Variants in MAST4 observed in about 807,000 individuals in gnomAD.
The protein encoded by MAST4 is microtubule-associated serine/threonine-protein kinase 4.
Under a neutral mutation model 162.7 loss-of-function variants are expected in MAST4, and 89 were observed. The ratio of observed to expected loss-of-function variants is 0.55; its 90% CI spans 0.46 to 0.65. The LOEUF (loss-of-function observed/expected upper bound fraction) is 0.65, where lower values mean the gene tolerates loss of function less well. Ranked by LOEUF, MAST4 falls within the 30% of genes least tolerant of loss-of-function variation. The pLI is 0.00. For synonymous variants in MAST4, 1,479 were observed against 1,361.1 expected, an observed-to-expected ratio of 1.09 and a Z score of -1.91; for missense variants, 3,153 against 3,374.0, an observed-to-expected ratio of 0.93 and a Z score of 1.62.
chr5:66,876,472 G>T (rs1034528204), intron 3 of MAST4, among the ~76,000 whole-genome samples: 1 of 152,192 alleles, frequency 6.6e-6, no homozygotes, highest in African/African-American at 2.4e-5. Context: ...GGCCCTCTGT[G>T]GTGGGAGACA....
chr5:67,146,563 AT>A (rs1581717976), intron 23 of MAST4, among the ~76,000 whole-genome samples: 1 of 152,298 alleles, frequency 6.6e-6, no homozygotes, highest in East Asian at 1.9e-4. Flanking sequence ...TTTCGTCAAC[AT>A]TTTTTAAACT....
chr5:67,095,129 A>G (rs1156896861), intron 6 of MAST4, among the ~76,000 whole-genome samples: 1 of 152,204 alleles, frequency 6.6e-6, no homozygotes, highest in Non-Finnish European at 1.5e-5. Context: ...CATGATGAGT[A>G]TAACTGTTCC....
chr5:67,043,828 A>G (rs560691663), intron 4 of MAST4, among the ~76,000 whole-genome samples: 35 of 152,300 alleles, frequency 2.3e-4, no homozygotes, highest in African/African-American at 8.2e-4. Flanking sequence ...TCTTTTCTTA[A>G]TTCCCCAGTA....
chr5:66,799,444 A>G (rs540169721), intron 3 of MAST4, among the ~76,000 whole-genome samples: 27 of 152,344 alleles, frequency 1.8e-4, no homozygotes, highest in African/African-American at 4.6e-4. Flanking sequence ...CTGAATGCCT[A>G]AAGAGCTCAG....
intron 11 of MAST4, among the ~76,000 whole-genome samples, chr5:67,112,071 G>T (rs1299873428): frequency 2.7e-5 from 4 of 150,906 alleles, no homozygotes; most frequent in Non-Finnish European, 4.4e-5. Flanking sequence ...TTTCTATATG[G>T]CCTTTAAAAA....
intron 3 of MAST4, among the ~76,000 whole-genome samples, chr5:66,804,664 A>G (rs1350272149): frequency 6.6e-6 from 1 of 152,196 alleles, no homozygotes; most frequent in African/African-American, 2.4e-5. Context: ...GTATTTGCTA[A>G]ACAATAATTT....
chr5:66,682,130 A>G (rs1748369711), intron 1 of MAST4, among the ~76,000 whole-genome samples: 2 of 152,024 alleles, frequency 1.3e-5, no homozygotes, highest in African/African-American at 4.8e-5. Flanking sequence ...GCCTGCCGCC[A>G]CTCTCTGGGA....
intron 26 of MAST4, among the ~76,000 whole-genome samples, chr5:67,159,026 C>A (rs1772877213): frequency 6.6e-6 from 1 of 152,128 alleles, no homozygotes; most frequent in African/African-American, 2.4e-5. Context: ...AAGAGTGAAA[C>A]TGTGTCTCAA....
At chr5:66,782,473 A>G (rs1174441913) in intron 2 of MAST4, among the ~76,000 whole-genome samples, 1 of 152,212 alleles carries the variant, frequency 6.6e-6, no homozygotes, top group Non-Finnish European at 1.5e-5. Context: ...AACAGCAAAA[A>G]TAACCAGTAC....
At chr5:66,907,153 CAAAGCGAGAG>C (rs2149999756) in intron 4 of MAST4, among the ~76,000 whole-genome samples, 1 of 116,922 alleles carries the variant, frequency 8.6e-6, no homozygotes, top group African/African-American at 3.4e-5. Context: ...TAACTCTCAG[CAAAGCGAGAG>C]AGAGAGAGAG....
intron 1 of MAST4, among the ~76,000 whole-genome samples, chr5:66,688,850 A>G (rs1748859830): frequency 6.6e-6 from 1 of 152,162 alleles, no homozygotes; most frequent in Non-Finnish European, 1.5e-5. Context: ...GACAGAGCCT[A>G]TGAGGACCTT....
At chr5:66,747,301 G>A (rs1752830293) in intron 1 of MAST4, among the ~76,000 whole-genome samples, 1 of 152,088 alleles carries the variant, frequency 6.6e-6, no homozygotes, top group Non-Finnish European at 1.5e-5. Context: ...TGCCACTGTA[G>A]TTTGATCTAA....
chr5:66,788,836 C>G, intron 3 of MAST4, 42 bp downstream of exon 3: 1 of 1,509,810 alleles, frequency 6.6e-7, no homozygotes, highest in Non-Finnish European at 8.8e-7. Flanking sequence ...TCCAGCTCAC[C>G]ACCTCTCTAG....
intron 3 of MAST4, among the ~76,000 whole-genome samples, chr5:66,824,252 A>G (rs1757133672): frequency 6.6e-6 from 1 of 152,182 alleles, no homozygotes; most frequent in Admixed American, 6.5e-5. Context: ...GATTGTACTG[A>G]TGGTATTGGA....
chr5:66,848,460 T>G (rs1045215880), intron 3 of MAST4, among the ~76,000 whole-genome samples: 1 of 152,172 alleles, frequency 6.6e-6, no homozygotes, highest in Non-Finnish European at 1.5e-5. Context: ...TTTTTGTTTG[T>G]TTGTTTACTA....
chr5:67,056,193 G>A (rs747282129), intron 5 of MAST4, among the ~76,000 whole-genome samples: 4 of 151,978 alleles, frequency 2.6e-5, no homozygotes, highest in Non-Finnish European at 5.9e-5. Context: ...ATTAGGGAGC[G>A]GGTGTAAGCA....
chr5:66,972,006 TA>T (rs111389931), intron 4 of MAST4, among the ~76,000 whole-genome samples: 23,213 of 149,676 alleles, frequency 0.16, 3,053 homozygotes, highest in African/African-American at 0.36. Context: ...GCGAAAACTT[TA>T]AAAAAAAAAG....
chr5:67,133,023 G>A (rs539095068), intron 16 of MAST4, among the ~76,000 whole-genome samples: 15 of 152,092 alleles, frequency 9.9e-5, no homozygotes, highest in Admixed American at 3.9e-4. Context: ...CTTTGCATGG[G>A]TAAGAAATAT....
intron 1 of MAST4, among the ~76,000 whole-genome samples, chr5:66,751,601 A>G (rs970119984): frequency 2.0e-4 from 30 of 151,542 alleles, no homozygotes; most frequent in Non-Finnish European, 3.4e-4. Context: ...AGAAAAAAGA[A>G]TAAAAAGAAA....
Sources: gnomAD v4.1 joint callset for allele counts (sites outside exome capture counted in the v4.1 genomes callset) on GRCh38, gnomAD v4.1.1 for gene constraint, MANE v1.5 for transcripts, NCBI Gene and HGNC (gene_info 2026-07-23, HGNC 2026-07-21) for gene names.